PSMF1: variants seen among roughly 807,000 people sequenced by gnomAD.
The protein encoded by PSMF1 is proteasome inhibitor subunit 1, also known as proteasome inhibitor PI31 subunit.
A neutral mutation model predicts 29.3 loss-of-function variants in PSMF1; 30 were observed. The ratio of observed to expected loss-of-function variants is 1.02; its 90% confidence interval spans 0.77 to 1.39. PSMF1 has a LOEUF of 1.39. PSMF1 is among the 40% of genes most tolerant of loss of function. The pLI is 0.00. For synonymous variants in PSMF1, 134 were observed against 139.7 expected (o/e 0.96, Z 0.29); for missense variants, 344 against 357.5 (o/e 0.96, Z 0.31).
chr20:1,130,957 G>A (rs2086220788), intron 3 of PSMF1, among the ~76,000 whole-genome samples: 1 of 152,248 alleles, frequency 6.6e-6, no homozygotes, highest in Non-Finnish European at 1.5e-5. Context: ...TGAGGGCAGG[G>A]TTTGGGTGTC....
At chr20:1,119,781 A>G (rs914770034) in intron 1 of PSMF1, among the ~76,000 whole-genome samples, 4 of 152,126 alleles carry the variant, frequency 2.6e-5, no homozygotes, top group African/African-American at 9.7e-5. Flanking sequence ...CATCCTAGAC[A>G]TCTGCTTCCT....
intron 4 of PSMF1, among the ~76,000 whole-genome samples, chr20:1,139,760 A>T (rs1179665502): frequency 6.9e-6 from 1 of 145,316 alleles, no homozygotes; most frequent in Non-Finnish European, 1.5e-5. Context: ...AAAAAAAACG[A>T]TAAAAATCAG....
At chr20:1,123,868 G>A (rs1184764992) in intron 1 of PSMF1, among the ~76,000 whole-genome samples, 1 of 152,212 alleles carries the variant, frequency 6.6e-6, no homozygotes, top group Non-Finnish European at 1.5e-5. Flanking sequence ...ATAGAAAACT[G>A]GGTAATAACA....
intron 1 of PSMF1, among the ~76,000 whole-genome samples, chr20:1,122,573 T>C (rs935182678): frequency 3.9e-5 from 6 of 152,206 alleles, no homozygotes; most frequent in Admixed American, 3.9e-4. Context: ...GGGCTGGGAT[T>C]ACAGGCAAGA....
intron 4 of PSMF1, among the ~76,000 whole-genome samples, chr20:1,153,081 A>G (rs1487931262): frequency 6.6e-6 from 1 of 152,164 alleles, no homozygotes; most frequent in Non-Finnish European, 1.5e-5. Flanking sequence ...CCCTATCCTT[A>G]CCAATGCTGG....
At chr20:1,159,057 CAAAAA>C in intron 4 of PSMF1, among the ~76,000 whole-genome samples, 1 of 69,940 alleles carries the variant, frequency 1.4e-5, no homozygotes, top group East Asian at 6.1e-4. Context: ...CTCCGTCTCA[CAAAAA>C]AAAAAAAAAG....
At chr20:1,158,731 T>C (rs1175716129) in intron 4 of PSMF1, among the ~76,000 whole-genome samples, 2 of 152,230 alleles carry the variant, frequency 1.3e-5, no homozygotes, top group East Asian at 1.9e-4. Flanking sequence ...CTTCCTTCAG[T>C]TGATCACCAT....
At chr20:1,126,135 C>A (rs996721658) in intron 2 of PSMF1, among the ~76,000 whole-genome samples, 2 of 152,154 alleles carry the variant, frequency 1.3e-5, no homozygotes, top group African/African-American at 4.8e-5. Context: ...ACTACCCAGT[C>A]CTACTCCCCA....
chr20:1,127,633 C>A (rs2086175951), intron 3 of PSMF1, 125 bp downstream of exon 3: 2 of 757,124 alleles, frequency 2.6e-6, no homozygotes, highest in African/African-American at 3.5e-5. Context: ...TATTTCTGGG[C>A]ACAACTTCCT....
intron 2 of PSMF1, 119 bp downstream of exon 2, chr20:1,125,769 C>A: frequency 1.5e-6 from 2 of 1,321,994 alleles, no homozygotes; most frequent in South Asian, 1.4e-5. Context: ...ACCTAGTGAT[C>A]CCACTTCTGG....
chr20:1,137,994 C>A (rs2086329315), intron 4 of PSMF1, among the ~76,000 whole-genome samples: 1 of 151,938 alleles, frequency 6.6e-6, no homozygotes, highest in Non-Finnish European at 1.5e-5. Context: ...TGAAGTTAGG[C>A]GGGAATACAC....
At chr20:1,145,709 C>A (rs2086441135) in intron 4 of PSMF1, among the ~76,000 whole-genome samples, 1 of 152,154 alleles carries the variant, frequency 6.6e-6, no homozygotes, top group South Asian at 2.1e-4. Context: ...TGAATCTTTA[C>A]TAAGTGAAGG....
chr20:1,127,480 G>A lies in PSMF1; in HGVS notation c.337G>A (p.Asp113Asn), dbSNP rs947536346. Residue 113 changes from aspartate (D) to asparagine (N), a missense_variant, in exon 3 of 7, where the codon GAT becomes AAT. By Grantham distance (23) the Asp-to-Asn change is conservative (BLOSUM62 1). Coordinates refer to ENST00000335877, the MANE Select transcript of PSMF1 (RefSeq NM_006814.5). ...GACCCTGAACTTGGATGATTATATC[G>A]ATGCAGAACACCTGGGTGACTTCCA... ...DLTLNLDDYI[D>N]AEHLGDFHRT... The A allele has an allele frequency of 4.4e-6, 7 of 1,606,874 alleles. No homozygotes were observed. The highest frequency in any genetic ancestry group is 4.5e-5 in the East Asian group (2 of 44,856).
intron 4 of PSMF1, among the ~76,000 whole-genome samples, chr20:1,138,355 C>T (rs1186544618): frequency 6.6e-6 from 1 of 151,790 alleles, no homozygotes; most frequent in African/African-American, 2.4e-5. Flanking sequence ...GTTAAGATAC[C>T]ATATCAATAG....
intron 4 of PSMF1, among the ~76,000 whole-genome samples, chr20:1,156,738 A>G (rs1029124264): frequency 1.3e-5 from 2 of 152,204 alleles, no homozygotes; most frequent in Non-Finnish European, 2.9e-5. Context: ...ATTCATAGTC[A>G]ATAGATCTTC....
At chr20:1,156,636 A>G (rs1200154287) in intron 4 of PSMF1, among the ~76,000 whole-genome samples, 2 of 152,214 alleles carry the variant, frequency 1.3e-5, no homozygotes, top group Non-Finnish European at 2.9e-5. Flanking sequence ...AGAATTGTCA[A>G]CCCAGAATTC....
chr20:1,143,111 C>A (rs544885777), intron 4 of PSMF1, among the ~76,000 whole-genome samples: 1 of 152,216 alleles, frequency 6.6e-6, no homozygotes, highest in Non-Finnish European at 1.5e-5. Context: ...CAATTCCTAT[C>A]AAAAATCCCA....
rs1192239038 is a variant in PSMF1, at chr20:1,135,291, G to C, written c.536G>C (p.Ser179Thr). The change falls in exon 4 of 7, where the codon AGT (serine) becomes ACT (threonine). Residue 179 changes from serine to threonine, a missense_variant. Ser to Thr is a moderately conservative substitution (Grantham distance 58, BLOSUM62 1). Transcript: ENST00000335877. ...ATTCCTCCACACCACCCACACACCA[G>C]TCGGCAGCCTCCCTGGTGAGTACAG... ...LRIPPHHPHTSRQPPWCDPLG... is the reference protein window; with the variant it reads ...LRIPPHHPHTTRQPPWCDPLG... 1.9e-6 allele frequency: 3 copies of C among 1,612,568 alleles called. No individual in the cohort carries two copies. The highest frequency in any genetic ancestry group is 2.5e-6 in the Non-Finnish European group (3 of 1,179,240).
chr20:1,131,404 A>G (rs2086227378), intron 3 of PSMF1, among the ~76,000 whole-genome samples: 2 of 152,346 alleles, frequency 1.3e-5, no homozygotes, highest in South Asian at 4.1e-4. Flanking sequence ...GAGGGACACA[A>G]TAGTACTACC....
Sources: allele counts gnomAD v4.1 joint callset (sites outside exome capture counted in the v4.1 genomes callset), GRCh38; gene constraint gnomAD v4.1.1; transcripts MANE v1.5; gene names NCBI Gene and HGNC (gene_info 2026-07-23, HGNC 2026-07-21).